Variants in SOS1 observed in about 807,000 individuals in gnomAD.
SOS1 encodes the protein SOS Ras/Rac guanine nucleotide exchange factor 1.
In SOS1, 25 loss-of-function variants were observed where a neutral mutation model predicts 157.6. That is an observed-to-expected ratio of 0.16 (90% CI 0.12 to 0.22). The LOEUF is 0.22. SOS1 is among the 10% of genes least tolerant of loss of function. SOS1 has a pLI of 1.00. For missense variants in SOS1, 1,237 were observed against 1,599.1 expected (o/e 0.77, Z 3.86); for synonymous variants, 528 against 534.0 (o/e 0.99, Z 0.16).
chr2:39,061,538 C>T (rs181289779), intron 2 of SOS1, among the ~76,000 whole-genome samples: 1 of 152,204 alleles, frequency 6.6e-6, no homozygotes, highest in East Asian at 1.9e-4. Flanking sequence ...TAAGTACGTG[C>T]ACCATGCCCA....
At chr2:39,069,873 A>G (rs769364408) in intron 1 of SOS1, among the ~76,000 whole-genome samples, 1 of 152,162 alleles carries the variant, frequency 6.6e-6, no homozygotes, top group East Asian at 1.9e-4. Flanking sequence ...TAACAATTTA[A>G]TTTTACAGGT....
chr2:39,105,899 C>G (rs1183297928), intron 1 of SOS1, among the ~76,000 whole-genome samples: 1 of 151,556 alleles, frequency 6.6e-6, no homozygotes, highest in Non-Finnish European at 1.5e-5. Context: ...GACTCTGTCT[C>G]AAAAAGAAAA....
chr2:39,022,821 T>C lies in SOS1; in HGVS notation c.1607A>G (p.Asn536Ser), dbSNP rs1363908468. The C allele has an allele frequency of 1.2e-6, 2 of 1,613,668 alleles. No individual in the cohort carries two copies. Among genetic ancestry groups the C allele is most frequent in the Non-Finnish European group, 1.7e-6 (2 of 1,179,782 alleles). ...FSAKSAEEKNNWMAALISLQY... is the reference protein window; with the variant it reads ...FSAKSAEEKNSWMAALISLQY... ...TAAAGATATCAATGCTGCCATCCAATTGTTTTTCTCTTCAGCTGACTTGGC... is the reference window on the plus strand; with the variant it reads ...TAAAGATATCAATGCTGCCATCCAACTGTTTTTCTCTTCAGCTGACTTGGC... The change falls in exon 10 of 23, where the codon AAT (asparagine) becomes AGT (serine). Residue 536 changes from asparagine (N) to serine (S), a missense_variant. Physicochemically the swap from Asn to Ser is conservative, Grantham distance 46. Coordinates refer to ENST00000402219, the MANE Select transcript of SOS1 (RefSeq NM_005633.4).
intron 1 of SOS1, among the ~76,000 whole-genome samples, chr2:39,077,797 A>T (rs1259790083): frequency 6.6e-6 from 1 of 152,216 alleles, no homozygotes; most frequent in East Asian, 1.9e-4. Context: ...CATATATAAA[A>T]ACCAACTGAA....
chr2:39,088,888 C>T (rs1672476959), intron 1 of SOS1, among the ~76,000 whole-genome samples: 1 of 152,116 alleles, frequency 6.6e-6, no homozygotes, highest in Non-Finnish European at 1.5e-5. Flanking sequence ...AACTGCCATA[C>T]TGTTTTTTAC....
intron 1 of SOS1, among the ~76,000 whole-genome samples, chr2:39,073,915 G>A (rs1671871831): frequency 6.6e-6 from 1 of 152,178 alleles, no homozygotes; most frequent in South Asian, 2.1e-4. Context: ...GACAGAATTT[G>A]AGATAAAACG....
intron 2 of SOS1, among the ~76,000 whole-genome samples, chr2:39,064,652 G>A (rs1671529371): frequency 1.3e-5 from 2 of 150,484 alleles, no homozygotes; most frequent in African/African-American, 4.9e-5. Context: ...AATCAACACA[G>A]CCTCTGGGAA....
intron 5 of SOS1, among the ~76,000 whole-genome samples, chr2:39,053,356 A>C (rs1303477561): frequency 6.6e-6 from 1 of 152,154 alleles, no homozygotes; most frequent in Non-Finnish European, 1.5e-5. Flanking sequence ...TTCTCTAATG[A>C]TTAGTGATGT....
Position 38,996,948 on chromosome 2 carries a change from G to T in SOS1, c.3055C>A (p.Arg1019=). 1 of 1,580,986 alleles carries T rather than the reference G, an allele frequency of 6.3e-7. No individual in the cohort carries two copies. Among genetic ancestry groups the T allele is most frequent in the Non-Finnish European group, 8.7e-7 (1 of 1,150,142 alleles). ...LFNKSLEIEP[R]NPKPLPRFPK... is the part of the protein sequence containing the mutation. ...AATCTTGGGAGAGGCTTAGGGTTTC[G>T]TGGTTCTATTTCTAGGGATTTGTTG... Residue 1019 remains arginine, a synonymous_variant, in exon 19 of 23, where the codon CGA becomes AGA. Coordinates refer to ENST00000402219, the MANE Select transcript of SOS1 (RefSeq NM_005633.4).
intron 1 of SOS1, chr2:39,098,433 C>T (rs1210809306): frequency 1.2e-5 from 2 of 168,716 alleles, no homozygotes; most frequent in South Asian, 1.5e-4. Context: ...CTTCTAAAAG[C>T]GTGTGCTGAC....
intron 6 of SOS1, among the ~76,000 whole-genome samples, chr2:39,041,508 T>C (rs1233784562): frequency 6.6e-6 from 1 of 152,238 alleles, no homozygotes; most frequent in Non-Finnish European, 1.5e-5. Context: ...ATGGTGTCCT[T>C]TGAAACACAG....
chr2:39,099,213 G>A (rs1672878759), intron 1 of SOS1, among the ~76,000 whole-genome samples: 1 of 152,170 alleles, frequency 6.6e-6, no homozygotes, highest in Non-Finnish European at 1.5e-5. Context: ...TTCATCTATT[G>A]ATGAATGTAT....
chr2:39,036,888 C>G (rs1670373948), intron 6 of SOS1, among the ~76,000 whole-genome samples: 1 of 151,776 alleles, frequency 6.6e-6, no homozygotes, highest in African/African-American at 2.4e-5. Flanking sequence ...CCAGGCTGGT[C>G]TTGATCTGCT....
chr2:39,053,995 T>C (rs1671116472), intron 5 of SOS1, among the ~76,000 whole-genome samples: 1 of 151,982 alleles, frequency 6.6e-6, no homozygotes, highest in South Asian at 2.1e-4. Flanking sequence ...TGGCGCGATC[T>C]CGGCTCACTG....
chr2:39,093,334 T>G (rs1255008261), intron 1 of SOS1, among the ~76,000 whole-genome samples: 1 of 152,214 alleles, frequency 6.6e-6, no homozygotes, highest in Non-Finnish European at 1.5e-5. Flanking sequence ...GTTATTGCAA[T>G]GAGGCACATT....
intron 1 of SOS1, among the ~76,000 whole-genome samples, chr2:39,087,444 A>G (rs1371069783): frequency 6.6e-6 from 1 of 152,196 alleles, no homozygotes; most frequent in African/African-American, 2.4e-5. Flanking sequence ...TTTTGTCACA[A>G]AACAATTAAA....
chr2:39,014,480 C>G (rs867833774), intron 11 of SOS1, among the ~76,000 whole-genome samples: 11 of 152,144 alleles, frequency 7.2e-5, no homozygotes, highest in African/African-American at 2.4e-4. Flanking sequence ...TCTAACTCAT[C>G]AGAATTTGAA....
intron 12 of SOS1, 97 bp from the exon 13 acceptor site, chr2:39,013,660 C>G (rs1263358730): frequency 1.7e-5 from 17 of 972,804 alleles, no homozygotes; most frequent in Non-Finnish European, 2.7e-5. Flanking sequence ...GTAACTCTTA[C>G]CAAATTAATC....
intron 6 of SOS1, 80 bp from the exon 7 acceptor site, chr2:39,035,580 C>T (rs540107015): frequency 2.5e-5 from 25 of 986,074 alleles, no homozygotes; most frequent in Non-Finnish European, 3.2e-5. Flanking sequence ...CACGACTATG[C>T]GAGCACAATT....
Sources: allele counts gnomAD v4.1 joint callset (sites outside exome capture counted in the v4.1 genomes callset), GRCh38; gene constraint gnomAD v4.1.1; transcripts MANE v1.5; gene names NCBI Gene and HGNC (gene_info 2026-07-23, HGNC 2026-07-21).